The following AREL1 variants were observed in gnomAD, a reference collection of about 807,000 sequenced individuals.
The protein encoded by AREL1 is apoptosis-resistant E3 ubiquitin protein ligase 1.
AREL1 carries 62 observed loss-of-function variants against 99.0 expected under a neutral mutation model. That is an observed-to-expected ratio of 0.63 (90% CI 0.51 to 0.77). The LOEUF (loss-of-function observed/expected upper bound fraction) is 0.77. Among genes scored for constraint, AREL1 ranks in the 30% least tolerant of loss-of-function variants. The pLI, the probability that AREL1 is intolerant of heterozygous loss-of-function variation, is 0.00. For synonymous variants in AREL1, 380 were observed against 376.5 expected, an observed-to-expected ratio of 1.01 and a Z score of -0.11; for missense variants, 879 against 1,027.6, an observed-to-expected ratio of 0.86 and a Z score of 1.98.
chr14:74,699,393 G>A (rs914018494), intron 1 of AREL1, among the ~76,000 whole-genome samples: 1 of 151,422 alleles, frequency 6.6e-6, no homozygotes, highest in East Asian at 1.9e-4. Flanking sequence ...GAGAGAGAGA[G>A]AGCAAGAGCA....
intron 1 of AREL1, among the ~76,000 whole-genome samples, chr14:74,705,660 A>G (rs2090164883): frequency 6.6e-6 from 1 of 152,220 alleles, no homozygotes; most frequent in East Asian, 1.9e-4. Context: ...ATGTTGTCCT[A>G]TAATCACTCA....
chr14:74,668,957 A>C (rs1310696420), intron 15 of AREL1, among the ~76,000 whole-genome samples: 1 of 152,174 alleles, frequency 6.6e-6, no homozygotes, highest in South Asian at 2.1e-4. Flanking sequence ...AGCTTACTGC[A>C]GCCTTAACCT....
At chr14:74,677,599 C>T (rs1388489150) in intron 5 of AREL1, among the ~76,000 whole-genome samples, 1 of 134,842 alleles carries the variant, frequency 7.4e-6, no homozygotes, top group Non-Finnish European at 1.5e-5. Flanking sequence ...CTCTGCCTGT[C>T]GGGTTCAAGC....
intron 17 of AREL1, 23 bp downstream of exon 17, chr14:74,667,296 G>C (rs760160335): frequency 1.9e-6 from 3 of 1,613,934 alleles, no homozygotes; most frequent in Non-Finnish European, 2.5e-6. Context: ...TTAAGAATGG[G>C]AGTCTGAATT....
chr14:74,712,787 C>T (rs2090338317), intron 1 of AREL1, 146 bp downstream of exon 1: 1 of 360,728 alleles, frequency 2.8e-6, no homozygotes, highest in African/African-American at 2.1e-5. Context: ...GATACCCCAA[C>T]GCTACAGGGT....
At chr14:74,690,415 T>C (rs2089852447) in intron 2 of AREL1, among the ~76,000 whole-genome samples, 1 of 152,178 alleles carries the variant, frequency 6.6e-6, no homozygotes, top group African/African-American at 2.4e-5. Context: ...TCCTTGTAGA[T>C]AGAGTTTGAA....
At position 74,662,623 on chromosome 14, in the gene AREL1, G is replaced by T; in HGVS notation, c.*1097C>A. The T allele has an allele frequency of 2.5e-6, 1 of 398,560 alleles. No homozygotes were observed. The highest frequency in any genetic ancestry group is 4.4e-6 in the Non-Finnish European group (1 of 226,072). The allele number at this position is 398,560 out of a possible 1,614,324, so 24.7% of individuals were successfully genotyped here. ...AAGGGGAGTACAGGGGTTGGCAGGT[G>T]TTTACTGTGTAACATATCACCTCCA... On this transcript the variant is annotated 3_prime_UTR_variant, in exon 20 of 20. Transcript: ENST00000356357.
intron 12 of AREL1, 84 bp from the exon 13 acceptor site, chr14:74,670,955 TC>T: frequency 9.3e-7 from 1 of 1,070,236 alleles, no homozygotes; most frequent in Non-Finnish European, 1.4e-6. Flanking sequence ...TTTTATACTC[TC>T]CACATTCCCT....
chr14:74,675,778 T>A lies in AREL1; in HGVS notation c.1001A>T (p.Asp334Val). 1 of 1,614,200 alleles carries A rather than the reference T, an allele frequency of 6.2e-7. No homozygotes were observed. Among genetic ancestry groups the A allele is most frequent in the Non-Finnish European group, 8.5e-7 (1 of 1,180,030 alleles). ...GTGGCACTCAGAGGGCGAGTCTTCA[T>A]CTTCCTCGTCAACAGCAGTGGATGG... ...RRPSTAVDEEDEDSPSECHTP... is the reference protein window; with the variant it reads ...RRPSTAVDEEVEDSPSECHTP... The change falls in exon 8 of 20, where the codon GAT becomes GTT. Residue 334 changes from aspartate to valine, a missense_variant. Transcript: ENST00000356357.
Position 74,685,663 on chromosome 14 carries a change from G to A in AREL1, c.-45-3C>T, listed in dbSNP as rs369623547. On this transcript the variant is annotated splice_polypyrimidine_tract_variant and splice_region_variant and intron_variant, in intron 2 of 19. Transcript: ENST00000356357. Reference sequence around the variant, plus strand: ...ACAGCCGAGGATCACAGCTGCAGCTGTTAAAAGAAAACTTGTTTAGTTTTT... The same window carrying A: ...ACAGCCGAGGATCACAGCTGCAGCTATTAAAAGAAAACTTGTTTAGTTTTT... 2.0e-5 allele frequency: 32 copies of A among 1,612,710 alleles called. No individual in the cohort carries two copies. Among genetic ancestry groups the A allele is most frequent in the Non-Finnish European group, 2.4e-5 (28 of 1,179,390 alleles).
intron 1 of AREL1, among the ~76,000 whole-genome samples, chr14:74,706,337 G>A (rs992839087): frequency 6.2e-4 from 95 of 152,256 alleles, no homozygotes; most frequent in Middle Eastern, 3.4e-3. Context: ...CAGCCCAGTC[G>A]GGTGGAACTG....
At position 74,662,611 on chromosome 14, in the gene AREL1, G is replaced by A. The variant is rs1245312432; in HGVS notation, c.*1109C>T. On this transcript the variant is annotated 3_prime_UTR_variant, in exon 20 of 20. Transcript: ENST00000356357. ...ACTGATGGAGCAAAGGGGAGTACAG[G>A]GGTTGGCAGGTGTTTACTGTGTAAC... The A allele has an allele frequency of 2.5e-6, 1 of 398,366 alleles. No individual in the cohort carries two copies. Among genetic ancestry groups the A allele is most frequent in the African/African-American group, 2.1e-5 (1 of 48,558 alleles). The allele number at this position is 398,366 out of a possible 1,614,324, so 24.7% of individuals were successfully genotyped here. A position where few individuals can be genotyped will look rare whatever the true frequency, so the allele number is the denominator to read the frequency against.
intron 1 of AREL1, among the ~76,000 whole-genome samples, chr14:74,705,327 C>T (rs1330400804): frequency 1.3e-5 from 2 of 152,188 alleles, no homozygotes; most frequent in East Asian, 1.9e-4. Context: ...GCGTGAGCCA[C>T]CATGCCTGGC....
At chr14:74,677,266 C>G (rs2089507462) in intron 5 of AREL1, among the ~76,000 whole-genome samples, 1 of 151,538 alleles carries the variant, frequency 6.6e-6, no homozygotes, top group Admixed American at 6.6e-5. Flanking sequence ...AGGCCAAGGC[C>G]AGAGAATCCC....
Position 74,670,070 on chromosome 14 carries a change from C to T in AREL1, c.1665G>A (p.Ala555=), listed in dbSNP as rs17101845. ...AHLRLKMYEF[A]GRLVGKCLYE... ...AGAGACACTTGCCCACGAGCCGTCC[C>T]GCAAACTCATACATTTTCAGGCGCA... Residue 555 remains alanine, a synonymous_variant, in exon 14 of 20, where the codon GCG becomes GCA. Transcript: ENST00000356357. The T allele has an allele frequency of 4.5e-3, 7,224 of 1,613,872 alleles. 32 individuals carry two copies. Among genetic ancestry groups the T allele is most frequent in the Middle Eastern group, 0.038 (229 of 6,044 alleles).
intron 5 of AREL1, among the ~76,000 whole-genome samples, chr14:74,677,500 C>CTTT (rs58383006): frequency 4.4e-4 from 28 of 63,166 alleles, no homozygotes; most frequent in Non-Finnish European, 5.7e-4. Flanking sequence ...TGTCTCTCTC[C>CTTT]TTTTTTTTTT....
Position 74,675,766 on chromosome 14 carries a change from G to C in AREL1, c.1013C>G (p.Pro338Arg). Reference protein sequence around the residue: ...TAVDEEDEDSPSECHTPEKVK... With the variant: ...TAVDEEDEDSRSECHTPEKVK... ...CTTCTCAGGGGTGTGGCACTCAGAG[G>C]GCGAGTCTTCATCTTCCTCGTCAAC... The change falls in exon 8 of 20, where the codon CCC becomes CGC. Residue 338 changes from proline to arginine, a missense_variant. Coordinates refer to ENST00000356357, the MANE Select transcript of AREL1 (RefSeq NM_001039479.2). The C allele has an allele frequency of 6.2e-7, 1 of 1,614,130 alleles. No individual in the cohort carries two copies. The highest frequency in any genetic ancestry group is 8.5e-7 in the Non-Finnish European group (1 of 1,180,026).
chr14:74,684,360 G>T (rs2089699881), intron 4 of AREL1, 94 bp downstream of exon 4: 3 of 1,123,976 alleles, frequency 2.7e-6, no homozygotes, highest in Non-Finnish European at 3.9e-6. Flanking sequence ...TGAAAAACAA[G>T]AGAAAATGTT....
chr14:74,710,993 A>T (rs2090269861), intron 1 of AREL1, among the ~76,000 whole-genome samples: 1 of 152,138 alleles, frequency 6.6e-6, no homozygotes, highest in African/African-American at 2.4e-5. Flanking sequence ...GCACTTTGGG[A>T]GGCCAAGGTG....
Sources: allele counts gnomAD v4.1 joint callset (sites outside exome capture counted in the v4.1 genomes callset), GRCh38; gene constraint gnomAD v4.1.1; transcripts MANE v1.5; gene names NCBI Gene and HGNC (gene_info 2026-07-23, HGNC 2026-07-21).